The following COPB1 variants were observed in gnomAD, a reference collection of about 807,000 sequenced individuals.
COPB1 encodes the protein coatomer subunit beta.
In COPB1, 21 loss-of-function variants were observed where a neutral mutation model predicts 108.7. That is an observed-to-expected ratio of 0.19 (90% CI 0.14 to 0.28). The LOEUF (loss-of-function observed/expected upper bound fraction) is 0.28, where lower values mean the gene tolerates loss of function less well. COPB1 is among the 10% of genes least tolerant of loss of function. COPB1 has a pLI of 1.00. For missense variants in COPB1, 919 were observed against 1,141.3 expected, an observed-to-expected ratio of 0.81 and a Z score of 2.81; for synonymous variants, 378 against 386.8, an observed-to-expected ratio of 0.98 and a Z score of 0.27.
rs1451484582 is a variant in COPB1, at chr11:14,469,433, C to T, written c.1868G>A (p.Cys623Tyr). 6.2e-7 allele frequency: 1 copy of T among 1,614,126 alleles called. No homozygotes were observed. The highest frequency in any genetic ancestry group is 2.2e-5 in the East Asian group (1 of 44,884). The change falls in exon 15 of 22, where the codon TGT (cysteine) becomes TAT (tyrosine). Residue 623 changes from cysteine to tyrosine, a missense_variant. By Grantham distance (194) the Cys-to-Tyr change is radical. Coordinates refer to ENST00000439561, the MANE Select transcript of COPB1 (RefSeq NM_001144061.2). Reference sequence around the variant, plus strand: ...GAAAATGTCATTCATTAAAGGTGAACATTCAGACAAGACCTTGAGGCACAG... The same window carrying T: ...GAAAATGTCATTCATTAAAGGTGAATATTCAGACAAGACCTTGAGGCACAG... ...ISLCLKVLSE[C>Y]SPLMNDIFNK...
At chr11:14,468,892 A>C (rs1238174173) in intron 15 of COPB1, 32 bp from the exon 16 acceptor site, 2 of 1,576,982 alleles carry the variant, frequency 1.3e-6, no homozygotes, top group Non-Finnish European at 1.7e-6. Context: ...GTCTCTCTTT[A>C]ATATGAAAAG....
At chr11:14,483,631 T>C (rs546195050) in intron 7 of COPB1, among the ~76,000 whole-genome samples, 14 of 152,118 alleles carry the variant, frequency 9.2e-5, no homozygotes, top group African/African-American at 3.1e-4. Context: ...ATAATAACTA[T>C]TAATAAGACA....
intron 14 of COPB1, among the ~76,000 whole-genome samples, chr11:14,473,113 T>C (rs749739693): frequency 6.6e-6 from 1 of 151,994 alleles, no homozygotes; most frequent in Non-Finnish European, 1.5e-5. Flanking sequence ...TAGCTGGGAG[T>C]ACAGGCGCCT....
In COPB1 at chr11:14,468,786, A is replaced by C. The variant is rs552709880; in HGVS notation, c.2040T>G (p.Asn680Lys). The stretch of plus-strand genomic sequence containing the variant: ...ACTGATCTTCCTTGCAGTTCATTTC[A>C]TTCTTAGCAGTTAGTTGCATGAAGG... ...PISFMQLTAKNEMNCKEDQFQ... is the reference protein window; with the variant it reads ...PISFMQLTAKKEMNCKEDQFQ... The change falls in exon 16 of 22, where the codon AAT (asparagine) becomes AAG (lysine). Residue 680 changes from asparagine to lysine, a missense_variant. Coordinates refer to ENST00000439561, the MANE Select transcript of COPB1 (RefSeq NM_001144061.2). 1.1e-5 allele frequency: 18 copies of C among 1,614,072 alleles called. No individual in the cohort carries two copies. In the South Asian group the frequency reaches 1.9e-4, roughly 17 times the overall value.
chr11:14,465,082 C>G, intron 17 of COPB1, 52 bp from the exon 18 acceptor site: 1 of 1,456,488 alleles, frequency 6.9e-7, no homozygotes. Context: ...CACACACACA[C>G]ACACACACAC....
chr11:14,482,693 C>A (rs577902773), intron 8 of COPB1, among the ~76,000 whole-genome samples: 1 of 152,140 alleles, frequency 6.6e-6, no homozygotes, highest in African/African-American at 2.4e-5. Flanking sequence ...CTTCACCACA[C>A]CCAGCTAATT....
intron 2 of COPB1, 112 bp from the exon 3 acceptor site, chr11:14,494,551 C>T (rs1181282746): frequency 1.6e-6 from 1 of 638,764 alleles, no homozygotes; most frequent in African/African-American, 1.8e-5. Flanking sequence ...TCAGTATCAG[C>T]AATGGTAATA....
intron 14 of COPB1, among the ~76,000 whole-genome samples, chr11:14,470,274 C>G (rs1173364299): frequency 6.6e-6 from 1 of 152,158 alleles, no homozygotes; most frequent in Non-Finnish European, 1.5e-5. Flanking sequence ...ATATCCCACA[C>G]TTTTGATTAG....
At chr11:14,492,336 A>ATTT (rs1359808471) in intron 4 of COPB1, among the ~76,000 whole-genome samples, 2 of 151,416 alleles carry the variant, frequency 1.3e-5, no homozygotes, top group African/African-American at 2.4e-5. Flanking sequence ...TATTATTATT[A>ATTT]TTATTATTTT....
chr11:14,483,159 A>G lies in COPB1; in HGVS notation c.838-8T>C, dbSNP rs747424366. The G allele has an allele frequency of 6.5e-7, 1 of 1,529,444 alleles. No homozygotes were observed. The highest frequency in any genetic ancestry group is 8.8e-7 in the Non-Finnish European group (1 of 1,130,818). 94.7% of individuals were successfully genotyped at this position (1,529,444 alleles called of 1,614,324 possible). A position where few individuals can be genotyped will look rare whatever the true frequency, so the allele number is the denominator to read the frequency against. Reference sequence around the variant, plus strand: ...GTAACACTGAGCAGCAGCCTATATAAAAAAAGAAATACATTTTAAGAAGTT... The same window carrying G: ...GTAACACTGAGCAGCAGCCTATATAGAAAAAGAAATACATTTTAAGAAGTT... On this transcript the variant is annotated splice_polypyrimidine_tract_variant and splice_region_variant and intron_variant, in intron 7 of 21. Transcript: ENST00000439561.
At chr11:14,461,520 T>C (rs755692416) in intron 18 of COPB1, among the ~76,000 whole-genome samples, 189 bp from the exon 19 acceptor site, 13 of 152,232 alleles carry the variant, frequency 8.5e-5, no homozygotes, top group Non-Finnish European at 1.0e-4. Context: ...TCAATTCTGA[T>C]AGTATTATTA....
chr11:14,479,820 A>G, intron 10 of COPB1, 106 bp from the exon 11 acceptor site: 2 of 1,158,342 alleles, frequency 1.7e-6, no homozygotes, highest in Non-Finnish European at 2.4e-6. Context: ...TTTGTTTTCT[A>G]AGAGACAGGG....
intron 17 of COPB1, among the ~76,000 whole-genome samples, chr11:14,465,669 G>A (rs1217610097): frequency 6.6e-6 from 1 of 152,186 alleles, no homozygotes; most frequent in Non-Finnish European, 1.5e-5. Flanking sequence ...CAGCCATCAA[G>A]CTATGCTGAG....
At chr11:14,478,361 G>C (rs1161990963) in intron 11 of COPB1, among the ~76,000 whole-genome samples, 2 of 150,664 alleles carry the variant, frequency 1.3e-5, no homozygotes, top group Admixed American at 6.7e-5. Context: ...GATTGCTTTA[G>C]TCCAGGAGTT....
intron 14 of COPB1, among the ~76,000 whole-genome samples, chr11:14,471,211 T>C (rs1036350932): frequency 5.3e-5 from 8 of 152,134 alleles, no homozygotes; most frequent in Non-Finnish European, 7.4e-5. Context: ...TACCAGAAAC[T>C]TAGTCCTACA....
At chr11:14,482,959 G>A in intron 8 of COPB1, 73 bp downstream of exon 8, 2 of 1,368,094 alleles carry the variant, frequency 1.5e-6, no homozygotes, top group South Asian at 1.7e-5. Context: ...TAACCAAGAT[G>A]GGCAAAGCTT....
At chr11:14,495,618 C>T (rs552132150) in intron 2 of COPB1, among the ~76,000 whole-genome samples, 1 of 152,346 alleles carries the variant, frequency 6.6e-6, no homozygotes, top group African/African-American at 2.4e-5. Flanking sequence ...CCTGCCTCAG[C>T]TTCCCAAAGT....
intron 18 of COPB1, among the ~76,000 whole-genome samples, chr11:14,462,633 C>A (rs933299909): frequency 6.6e-6 from 1 of 152,124 alleles, no homozygotes; most frequent in Non-Finnish European, 1.5e-5. Flanking sequence ...CATCTAAAAA[C>A]AACTCTCTCT....
At chr11:14,498,250 G>A (rs1438147216) in intron 2 of COPB1, among the ~76,000 whole-genome samples, 1 of 152,162 alleles carries the variant, frequency 6.6e-6, no homozygotes, top group Non-Finnish European at 1.5e-5. Context: ...TGTATTGCAT[G>A]CCTGTATCAA....
Sources: allele counts gnomAD v4.1 joint callset (sites outside exome capture counted in the v4.1 genomes callset), GRCh38; gene constraint gnomAD v4.1.1; transcripts MANE v1.5; gene names NCBI Gene and HGNC (gene_info 2026-07-23, HGNC 2026-07-21).